Variants in PHIP observed in about 807,000 individuals in gnomAD.
PHIP encodes PHIP subunit of CUL4-Ring ligase complex.
In PHIP, 54 loss-of-function variants were observed where a neutral mutation model predicts 236.8. That is an observed-to-expected ratio of 0.23 (90% confidence interval 0.18 to 0.29). The LOEUF is 0.29. Among genes scored for constraint, PHIP ranks in the 10% least tolerant of loss-of-function variants. The probability of loss-of-function intolerance (pLI) is 1.00; values close to 1 mark genes in which losing one functional copy is unlikely to be tolerated. For synonymous variants in PHIP, 756 were observed against 718.9 expected (o/e 1.05, Z -0.83); for missense variants, 1,370 against 2,190.8 (o/e 0.63, Z 7.48).
chr6:79,040,815 AC>A (rs1187599391), intron 7 of PHIP, among the ~76,000 whole-genome samples: 1 of 152,138 alleles, frequency 6.6e-6, no homozygotes, highest in East Asian at 1.9e-4. Flanking sequence ...GTAACTCCAA[AC>A]CACCAGTAAA....
At chr6:79,046,739 G>A (rs1421023750) in intron 6 of PHIP, among the ~76,000 whole-genome samples, 1 of 151,912 alleles carries the variant, frequency 6.6e-6, no homozygotes, top group Non-Finnish European at 1.5e-5. Context: ...TAGCTGGTGT[G>A]GCGGTAGGTG....
At chr6:79,018,746 G>T (rs1278080697) in intron 10 of PHIP, among the ~76,000 whole-genome samples, 15 of 151,804 alleles carry the variant, frequency 9.9e-5, no homozygotes, top group Non-Finnish European at 1.9e-4. Context: ...CAAAATCCAT[G>T]AAAACATAAA....
chr6:79,057,689 C>T (rs973009536), intron 6 of PHIP, among the ~76,000 whole-genome samples: 1 of 152,032 alleles, frequency 6.6e-6, no homozygotes, highest in African/African-American at 2.4e-5. Flanking sequence ...GCAAAGAAAA[C>T]TTTTAAAGGT....
In PHIP at chr6:79,059,591, T is replaced by TTAAA. The variant is rs1773252533; in HGVS notation, c.439+886_439+887insTTTA. On this transcript the variant is annotated intron_variant, in intron 6 of 39. Coordinates refer to ENST00000275034, the MANE Select transcript of PHIP (RefSeq NM_017934.7). ...AGGAAACAAAAAGTTGAAAGCAAAA[T>TTAAA]TATATATATATATATATATATATAT... 1.3e-4 allele frequency among the ~76,000 whole-genome samples: 11 copies of TTAAA among 84,764 alleles called. No homozygotes were observed. In the South Asian group the frequency reaches 4.8e-3, roughly 37 times the overall value. The allele number at this position is 84,764 out of a possible 152,430, so 55.6% of individuals were successfully genotyped here. A position where few individuals can be genotyped will look rare whatever the true frequency, so the allele number is the denominator to read the frequency against.
chr6:79,060,480 A>G lies in PHIP; in HGVS notation c.437T>C (p.Ile146Thr). 6.2e-7 allele frequency: 1 copy of G among 1,610,696 alleles called. No homozygotes were observed. Among genetic ancestry groups the G allele is most frequent in the Non-Finnish European group, 8.5e-7 (1 of 1,177,882 alleles). Reference sequence around the variant, plus strand: ...ACTAGTGAACTCAAACAACTCACCAATGCTGGGTGGGCTACCATAGTTAAC... The same window carrying G: ...ACTAGTGAACTCAAACAACTCACCAGTGCTGGGTGGGCTACCATAGTTAAC... ...SPVNYGSPPS[I>T]ADTLFSRKLN... The change falls in exon 6 of 40, where the codon ATT becomes ACT. Residue 146 changes from isoleucine (I) to threonine (T), a missense_variant and splice_region_variant. Ile to Thr is a moderately conservative substitution (Grantham distance 89, BLOSUM62 -1). Coordinates refer to ENST00000275034, the MANE Select transcript of PHIP (RefSeq NM_017934.7).
intron 4 of PHIP, among the ~76,000 whole-genome samples, chr6:79,063,533 C>G (rs1039575547): frequency 1.3e-5 from 2 of 151,990 alleles, no homozygotes; most frequent in Non-Finnish European, 2.9e-5. Flanking sequence ...TCTCCTGCCT[C>G]GCCTCCCGAG....
intron 4 of PHIP, among the ~76,000 whole-genome samples, chr6:79,062,967 C>T (rs1175900301): frequency 6.6e-6 from 1 of 152,176 alleles, no homozygotes; most frequent in African/African-American, 2.4e-5. Flanking sequence ...TTATACTCCT[C>T]GAATGTCCCT....
intron 4 of PHIP, among the ~76,000 whole-genome samples, chr6:79,073,099 T>A (rs1373795675): frequency 6.6e-6 from 1 of 152,190 alleles, no homozygotes; most frequent in Admixed American, 6.5e-5. Flanking sequence ...GAAAGGGACA[T>A]TCCAGCTCCC....
intron 23 of PHIP, among the ~76,000 whole-genome samples, chr6:78,979,072 C>G (rs920398518): frequency 3.3e-5 from 5 of 151,846 alleles, no homozygotes; most frequent in Admixed American, 1.3e-4. Context: ...AGGTCACATG[C>G]AAATACTATA....
chr6:78,990,527 CAT>C (rs1769166880), intron 20 of PHIP, among the ~76,000 whole-genome samples: 2 of 152,106 alleles, frequency 1.3e-5, no homozygotes, highest in African/African-American at 4.8e-5. Context: ...CACAAAAACA[CAT>C]AGAAAAACAT....
intron 6 of PHIP, among the ~76,000 whole-genome samples, chr6:79,043,432 A>G (rs1772323791): frequency 6.6e-6 from 1 of 152,176 alleles, no homozygotes; most frequent in Admixed American, 6.6e-5. Flanking sequence ...GTAACACTTG[A>G]ACACTCGAAA....
At chr6:79,019,224 G>A in intron 9 of PHIP, 65 bp from the exon 10 acceptor site, 1 of 1,200,564 alleles carries the variant, frequency 8.3e-7, no homozygotes, top group Non-Finnish European at 1.2e-6. Context: ...GAAATAATCT[G>A]TTTCAAAAAA....
At chr6:78,984,286 G>C (rs1768729213) in intron 22 of PHIP, among the ~76,000 whole-genome samples, 1 of 152,080 alleles carries the variant, frequency 6.6e-6, no homozygotes, top group African/African-American at 2.4e-5. Context: ...TGATTTTTAA[G>C]AACTTACACT....
In PHIP at chr6:79,064,097, C is replaced by T. The variant is rs149838781; in HGVS notation, c.190-3279G>A. On this transcript the variant is annotated intron_variant, in intron 4 of 39. Transcript: ENST00000275034. The stretch of plus-strand genomic sequence containing the variant: ...AAACCTATCTACACCTGTACCAATT[C>T]TGTCTCTTATTAACACAACTGTCCC... 3.4e-3 allele frequency among the ~76,000 whole-genome samples: 522 copies of T among 152,184 alleles called. 17 individuals are homozygous for T. The highest frequency in any genetic ancestry group is 0.031 in the Admixed American group (479 of 15,288).
chr6:78,972,549 A>C (rs1197107192), intron 24 of PHIP, among the ~76,000 whole-genome samples: 1 of 152,190 alleles, frequency 6.6e-6, no homozygotes, highest in Non-Finnish European at 1.5e-5. Context: ...ATGAGCTGAG[A>C]GAAGAAGGCT....
intron 7 of PHIP, among the ~76,000 whole-genome samples, chr6:79,027,264 A>G (rs988998376): frequency 2.0e-5 from 3 of 152,146 alleles, no homozygotes; most frequent in African/African-American, 4.8e-5. Context: ...GACTCTGCCA[A>G]TGATACCTAA....
chr6:79,041,055 G>C (rs928528002), intron 7 of PHIP, among the ~76,000 whole-genome samples: 6 of 152,186 alleles, frequency 3.9e-5, no homozygotes, highest in Non-Finnish European at 7.4e-5. Context: ...GTCTAGAAAA[G>C]GATAGCAATT....
At chr6:79,070,932 C>T (rs1773853647) in intron 4 of PHIP, among the ~76,000 whole-genome samples, 1 of 152,160 alleles carries the variant, frequency 6.6e-6, no homozygotes, top group Non-Finnish European at 1.5e-5. Context: ...GGAAGGCCTG[C>T]TGTACATGAA....
In PHIP at chr6:79,001,952, C is replaced by T. The variant is rs763950121; in HGVS notation, c.1826G>A (p.Arg609His). ...PSRYQRLVPGRENCREEQLIP... is the reference protein window; with the variant it reads ...PSRYQRLVPGHENCREEQLIP... ...GAGTTGCTCCTCCCTGCAATTTTCA[C>T]GGCCAGGAACTAATCTTTGATATCT... The change falls in exon 17 of 40, where the codon CGT (arginine) becomes CAT (histidine). Residue 609 changes from arginine to histidine, a missense_variant. Transcript: ENST00000275034. 1.9e-6 allele frequency: 3 copies of T among 1,613,044 alleles called. No individual in the cohort carries two copies. The highest frequency in any genetic ancestry group is 1.6e-4 in the Middle Eastern group (1 of 6,062).
Sources: gnomAD v4.1 joint callset for allele counts (sites outside exome capture counted in the v4.1 genomes callset) on GRCh38, gnomAD v4.1.1 for gene constraint, MANE v1.5 for transcripts, NCBI Gene and HGNC (gene_info 2026-07-23, HGNC 2026-07-21) for gene names.